CLDN18: variants seen among roughly 807,000 people sequenced by gnomAD.
CLDN18 encodes the protein claudin-18.
CLDN18 carries 20 observed loss-of-function variants against 25.0 expected under a neutral mutation model. The observed-to-expected ratio is 0.80, with a 90% CI of 0.56 to 1.16. The LOEUF (loss-of-function observed/expected upper bound fraction) is 1.16. Among genes scored for constraint, CLDN18 ranks in the 50% most tolerant of loss-of-function variants. The probability of loss-of-function intolerance (pLI) is 0.00; values close to 1 mark genes in which losing one functional copy is unlikely to be tolerated. For synonymous variants in CLDN18, 125 were observed against 135.6 expected, an observed-to-expected ratio of 0.92 and a Z score of 0.54; for missense variants, 297 against 345.4, an observed-to-expected ratio of 0.86 and a Z score of 1.11.
chr3:138,012,666 A>T (rs1386488965), intron 1 of CLDN18, among the ~76,000 whole-genome samples: 2 of 152,242 alleles, frequency 1.3e-5, no homozygotes, highest in Non-Finnish European at 2.9e-5. Context: ...TTCTCATAGC[A>T]TTGAGCATAT....
At chr3:138,021,686 T>G (rs1942271973) in intron 1 of CLDN18, among the ~76,000 whole-genome samples, 1 of 152,082 alleles carries the variant, frequency 6.6e-6, no homozygotes, top group Admixed American at 6.6e-5. Context: ...AAAAGAAAAA[T>G]TATGCCCTTT....
At chr3:138,016,094 T>C (rs1352327109) in intron 1 of CLDN18, among the ~76,000 whole-genome samples, 1 of 152,264 alleles carries the variant, frequency 6.6e-6, no homozygotes, top group Non-Finnish European at 1.5e-5. Flanking sequence ...TTTATTGAGC[T>C]GCATATTGGC....
intron 1 of CLDN18, among the ~76,000 whole-genome samples, chr3:138,016,199 C>T (rs1942201105): frequency 6.6e-6 from 1 of 152,134 alleles, no homozygotes; most frequent in Non-Finnish European, 1.5e-5. Flanking sequence ...GAAGGACATG[C>T]CCAAGGCCTC....
At chr3:138,019,677 T>C (rs879262703) in intron 1 of CLDN18, among the ~76,000 whole-genome samples, 9 of 152,216 alleles carry the variant, frequency 5.9e-5, no homozygotes, top group Non-Finnish European at 1.3e-4. Flanking sequence ...TGAAAATCTC[T>C]GGGGATGAGA....
At chr3:137,999,471 A>G (rs531577340) in intron 1 of CLDN18, among the ~76,000 whole-genome samples, 1 of 152,306 alleles carries the variant, frequency 6.6e-6, no homozygotes, top group South Asian at 2.1e-4. Flanking sequence ...GGGACTGCCT[A>G]TCTCCTGAAC....
upstream of CLDN18, chr3:138,010,007 C>G: frequency 1.4e-6 from 1 of 733,030 alleles, no homozygotes; most frequent in Non-Finnish European, 2.1e-6. Context: ...GGAGAGCAGA[C>G]AAGTGCCTCT....
Position 138,010,409 on chromosome 3 carries a change from G to A in CLDN18, c.184G>A (p.Glu62Lys), listed in dbSNP as rs768414784. Residue 62 changes from glutamate to lysine, a missense_variant, in exon 1 of 5, where the codon GAA (glutamate) becomes AAA (lysine). Glu to Lys is a moderately conservative substitution (Grantham distance 56, BLOSUM62 1). Coordinates refer to ENST00000183605, the MANE Select transcript of CLDN18 (RefSeq NM_016369.4). ...CGTGAGGCAGAGTTCAGGCTTCACC[G>A]AATGCAGGCCCTATTTCACCATCCT... is the stretch of plus-strand genomic sequence containing the variant. ...SCVRQSSGFT[E>K]CRPYFTILGL... is the part of the protein sequence containing the mutation. 2.5e-6 allele frequency: 4 copies of A among 1,614,210 alleles called. No homozygotes were observed. Among genetic ancestry groups the A allele is most frequent in the Admixed American group, 1.7e-5 (1 of 60,032 alleles).
intron 3 of CLDN18, 26 bp from the exon 4 acceptor site, chr3:138,029,771 T>C: frequency 1.4e-6 from 2 of 1,415,332 alleles, no homozygotes; most frequent in Admixed American, 2.3e-5. Context: ...GTCAACCATA[T>C]TGACAGCCAC....
At chr3:138,020,920 C>T (rs535472706) in intron 1 of CLDN18, among the ~76,000 whole-genome samples, 1 of 152,274 alleles carries the variant, frequency 6.6e-6, no homozygotes, top group East Asian at 1.9e-4. Context: ...AAACAATGTG[C>T]TGTGATGGAA....
At chr3:138,002,933 G>A (rs1942033435) in intron 1 of CLDN18, among the ~76,000 whole-genome samples, 1 of 152,138 alleles carries the variant, frequency 6.6e-6, no homozygotes, top group South Asian at 2.1e-4. Context: ...AGAAATTGTG[G>A]CATTAGAAGA....
intron 1 of CLDN18, among the ~76,000 whole-genome samples, chr3:137,999,256 C>G (rs1470413668): frequency 6.6e-6 from 1 of 151,962 alleles, no homozygotes; most frequent in African/African-American, 2.4e-5. Context: ...AGGACGGGAA[C>G]CTTAGGGAGA....
At chr3:138,006,566 G>T (rs1942071606), upstream of CLDN18, among the ~76,000 whole-genome samples, 1 of 152,144 alleles carries the variant, frequency 6.6e-6, no homozygotes, top group Non-Finnish European at 1.5e-5. Context: ...GGACTTATCT[G>T]GTAGAGATAC....
intron 1 of CLDN18, among the ~76,000 whole-genome samples, chr3:137,999,821 A>T (rs1320431043): frequency 6.6e-6 from 1 of 152,202 alleles, no homozygotes; most frequent in African/African-American, 2.4e-5. Context: ...TGCTTAGTAG[A>T]TTGGTCATTT....
At chr3:138,005,032 G>T (rs1456063827) in intron 1 of CLDN18, 1 of 151,804 alleles carries the variant, frequency 6.6e-6, no homozygotes, top group Non-Finnish European at 1.5e-5. Context: ...ATAATCAATG[G>T]GAAAAGATGT....
intron 1 of CLDN18, among the ~76,000 whole-genome samples, chr3:138,019,306 G>T (rs1302826759): frequency 1.3e-5 from 2 of 152,190 alleles, no homozygotes; most frequent in African/African-American, 2.4e-5. Flanking sequence ...AATCTCCAGA[G>T]AATCTAGCCT....
intron 1 of CLDN18, among the ~76,000 whole-genome samples, chr3:138,012,548 T>A (rs1301231844): frequency 6.6e-6 from 1 of 151,834 alleles, no homozygotes; most frequent in Non-Finnish European, 1.5e-5. Context: ...CTCCCCTGAA[T>A]TCCCCCCTCC....
In CLDN18 at chr3:138,010,306, G is replaced by A. The variant is rs1942119411; in HGVS notation, c.81G>A (p.Met27Ile). The A allele has an allele frequency of 3.7e-6, 6 of 1,614,218 alleles. No homozygotes were observed. The highest frequency in any genetic ancestry group is 5.1e-6 in the Non-Finnish European group (6 of 1,180,044). Residue 27 changes from methionine to isoleucine, a missense_variant, in exon 1 of 5, where the codon ATG (methionine) becomes ATA (isoleucine). Met to Ile is a conservative substitution (Grantham distance 10, BLOSUM62 1). Transcript: ENST00000183605. ...GLAGCIAATG[M>I]DMWSTQDLYD... ...CCGGCTGCATCGCGGCCACCGGGAT[G>A]GACATGTGGAGCACCCAGGACCTGT...
At chr3:138,029,937 C>T (rs578254993) in intron 4 of CLDN18, 30 bp downstream of exon 4, 24 of 1,355,134 alleles carry the variant, frequency 1.8e-5, no homozygotes, top group Admixed American at 5.9e-5. Context: ...TGCAACCAGA[C>T]GTTTTATTTG....
At chr3:138,006,576 C>A (rs1942071698), upstream of CLDN18, among the ~76,000 whole-genome samples, 1 of 152,190 alleles carries the variant, frequency 6.6e-6, no homozygotes, top group Non-Finnish European at 1.5e-5. Context: ...GGTAGAGATA[C>A]ATTGATATGT....
Sources: gnomAD v4.1 joint callset for allele counts (sites outside exome capture counted in the v4.1 genomes callset) on GRCh38, gnomAD v4.1.1 for gene constraint, MANE v1.5 for transcripts, NCBI Gene and HGNC (gene_info 2026-07-23, HGNC 2026-07-21) for gene names.